The following SBF2 variants were observed in gnomAD, a reference collection of about 807,000 sequenced individuals.
SBF2 encodes myotubularin-related protein 13.
A neutral mutation model predicts 225.2 loss-of-function variants in SBF2; 112 were observed. The observed-to-expected ratio is 0.50, with a 90% CI of 0.43 to 0.58. The LOEUF is 0.58. SBF2 is among the 20% of genes least tolerant of loss of function. SBF2 has a pLI of 0.00. For synonymous variants in SBF2, 763 were observed against 773.3 expected (o/e 0.99, Z 0.22); for missense variants, 1,996 against 2,206.2 (o/e 0.90, Z 1.91).
intron 19 of SBF2, 82 bp from the exon 20 acceptor site, chr11:9,853,794 A>T (rs931808336): frequency 1.1e-5 from 15 of 1,315,702 alleles, no homozygotes; most frequent in African/African-American, 1.4e-5. Context: ...TTACATAGCG[A>T]CAGAAACATG....
chr11:9,780,044 G>A lies in SBF2; in HGVS notation c.*374C>T, dbSNP rs1434894701. The stretch of plus-strand genomic sequence containing the variant: ...ATTTTTGCTTGTTAAACAGGTCTCC[G>A]AGGAAATTATGACCTCAGAGAACAA... On this transcript the variant is annotated 3_prime_UTR_variant, in exon 40 of 40. Transcript: ENST00000256190. 9 of 287,888 alleles carry A rather than the reference G, an allele frequency of 3.1e-5. No individual in the cohort carries two copies. In the East Asian group the frequency reaches 3.9e-4, roughly 12 times the overall value. The allele number at this position is 287,888 out of a possible 1,614,324, so 17.8% of individuals were successfully genotyped here.
intron 17 of SBF2, among the ~76,000 whole-genome samples, chr11:9,882,146 C>T (rs1178124471): frequency 6.6e-6 from 1 of 152,154 alleles, no homozygotes; most frequent in African/African-American, 2.4e-5. Context: ...ATACAAATGT[C>T]ACCTTAACTT....
chr11:10,174,445 A>C (rs939339328), intron 2 of SBF2, among the ~76,000 whole-genome samples: 5 of 152,210 alleles, frequency 3.3e-5, no homozygotes, highest in African/African-American at 1.2e-4. Flanking sequence ...ATGAAGCAAG[A>C]AGGGAAGTTT....
chr11:9,977,111 C>T (rs926309118), intron 13 of SBF2, among the ~76,000 whole-genome samples: 21 of 152,028 alleles, frequency 1.4e-4, no homozygotes, highest in African/African-American at 4.8e-4. Flanking sequence ...CTTGTCTTGG[C>T]CTATCTTTTT....
intron 1 of SBF2, among the ~76,000 whole-genome samples, chr11:10,274,205 C>T (rs11042715): frequency 0.032 from 4,886 of 152,240 alleles, 235 homozygotes; most frequent in African/African-American, 0.1. Context: ...TGAGTTCAAG[C>T]CAATCCTTCC....
intron 1 of SBF2, among the ~76,000 whole-genome samples, chr11:10,196,841 T>C (rs1376916565): frequency 1.6e-4 from 4 of 24,684 alleles, no homozygotes; most frequent in Non-Finnish European, 4.1e-4. Flanking sequence ...TGCATAAATA[T>C]ATATATATAT....
intron 11 of SBF2, 116 bp downstream of exon 11, chr11:9,992,874 A>G: frequency 1.4e-6 from 1 of 729,820 alleles, no homozygotes; most frequent in South Asian, 1.8e-5. Context: ...CAGAGATTTT[A>G]AATAATCACA....
intron 2 of SBF2, among the ~76,000 whole-genome samples, chr11:10,074,643 T>A (rs988861263): frequency 6.6e-6 from 1 of 152,214 alleles, no homozygotes; most frequent in Non-Finnish European, 1.5e-5. Context: ...CTGAACTCCA[T>A]TACCTATCTC....
At chr11:9,969,086 C>A (rs190707052) in intron 13 of SBF2, among the ~76,000 whole-genome samples, 1 of 152,338 alleles carries the variant, frequency 6.6e-6, no homozygotes, top group African/African-American at 2.4e-5. Flanking sequence ...ACCTCTATCC[C>A]TGCTTTCTTC....
chr11:9,814,407 T>A (rs1228196863), intron 29 of SBF2, among the ~76,000 whole-genome samples: 1 of 152,188 alleles, frequency 6.6e-6, no homozygotes, highest in Non-Finnish European at 1.5e-5. Context: ...GTTATGTGTA[T>A]TTTATAATTT....
chr11:9,789,161 C>G lies in SBF2; in HGVS notation c.4880G>C (p.Cys1627Ser). 1 of 1,614,168 alleles carries G rather than the reference C, an allele frequency of 6.2e-7. No homozygotes were observed. Among genetic ancestry groups the G allele is most frequent in the Non-Finnish European group, 8.5e-7 (1 of 1,180,024 alleles). The change falls in exon 35 of 40, where the codon TGC becomes TCC. Residue 1627 changes from cysteine (C) to serine (S), a missense_variant. By Grantham distance (112) the Cys-to-Ser change is moderately radical (BLOSUM62 -1). Transcript: ENST00000256190. ...CTGAGTACAGCTGACATCATCATAG[C>G]ATGGCCACACTGTTCTCCTCTGGCT... ...PRSQRRTVWP[C>S]YDDVSCTQPD...
chr11:9,888,265 AG>A (rs1408348419), intron 17 of SBF2, among the ~76,000 whole-genome samples: 4 of 152,168 alleles, frequency 2.6e-5, no homozygotes, highest in South Asian at 4.1e-4. Context: ...GGGGAAGCCA[AG>A]GGGGAGGATC....
chr11:9,924,483 GT>G (rs1208717082), intron 16 of SBF2, among the ~76,000 whole-genome samples: 1 of 151,868 alleles, frequency 6.6e-6, no homozygotes, highest in Non-Finnish European at 1.5e-5. Flanking sequence ...CCAGGCTTGA[GT>G]GCAATGGCGT....
intron 16 of SBF2, chr11:9,958,342 C>T (rs1866319601): frequency 6.6e-6 from 1 of 151,360 alleles, no homozygotes; most frequent in South Asian, 2.1e-4. Flanking sequence ...AAAAGACCCT[C>T]ATATTCCATC....
At chr11:9,855,486 C>T (rs1005364332) in intron 19 of SBF2, among the ~76,000 whole-genome samples, 8 of 152,188 alleles carry the variant, frequency 5.3e-5, no homozygotes, top group Non-Finnish European at 8.8e-5. Context: ...CGAGCTCGAA[C>T]TACCAGGATG....
At chr11:10,252,433 T>C (rs921164008) in intron 1 of SBF2, among the ~76,000 whole-genome samples, 2 of 152,248 alleles carry the variant, frequency 1.3e-5, no homozygotes, top group Non-Finnish European at 2.9e-5. Flanking sequence ...TCTGTAATAA[T>C]AGCTAAATCT....
chr11:9,997,310 G>A (rs980172350), intron 9 of SBF2, among the ~76,000 whole-genome samples: 2 of 152,106 alleles, frequency 1.3e-5, no homozygotes, highest in Admixed American at 6.6e-5. Flanking sequence ...GCACCTAAAA[G>A]GCTATCAGTA....
intron 16 of SBF2, among the ~76,000 whole-genome samples, chr11:9,913,103 G>T (rs1462161364): frequency 6.6e-6 from 1 of 152,158 alleles, no homozygotes; most frequent in Non-Finnish European, 1.5e-5. Flanking sequence ...GGGCAACATG[G>T]TGAAACCCTG....
chr11:10,255,582 C>T (rs1168682457), intron 1 of SBF2, among the ~76,000 whole-genome samples: 1 of 152,180 alleles, frequency 6.6e-6, no homozygotes, highest in Non-Finnish European at 1.5e-5. Flanking sequence ...ACACTGAACA[C>T]TATTAGGCTT....
Sources: gnomAD v4.1 joint callset for allele counts (sites outside exome capture counted in the v4.1 genomes callset) on GRCh38, gnomAD v4.1.1 for gene constraint, MANE v1.5 for transcripts, NCBI Gene and HGNC (gene_info 2026-07-23, HGNC 2026-07-21) for gene names.